The following TCF20 variants were observed in gnomAD, a reference collection of about 807,000 sequenced individuals.
TCF20 encodes the protein transcription factor 20.
In TCF20, 3 loss-of-function variants were observed where a neutral mutation model predicts 148.6. The observed-to-expected ratio is 0.02, with a 90% CI of 0.01 to 0.05. The LOEUF is 0.05. TCF20 is among the 10% of genes least tolerant of loss of function. TCF20 has a pLI of 1.00. For synonymous variants in TCF20, 1,049 were observed against 909.5 expected (o/e 1.15, Z -2.76); for missense variants, 2,350 against 2,429.3 (o/e 0.97, Z 0.69).
chr22:42,251,802 C>T (rs530838621), intron 1 of TCF20, among the ~76,000 whole-genome samples: 1 of 151,420 alleles, frequency 6.6e-6, no homozygotes, highest in African/African-American at 2.4e-5. Context: ...CGCACCTGGC[C>T]CAAATAAGTA....
At chr22:42,164,328 C>A (rs1935649932) in intron 5 of TCF20, among the ~76,000 whole-genome samples, 1 of 151,542 alleles carries the variant, frequency 6.6e-6, no homozygotes, top group African/African-American at 2.4e-5. Flanking sequence ...CATTCTCCTG[C>A]CTCAGTCTCC....
At chr22:42,270,735 C>A (rs1926575945), upstream of TCF20, among the ~76,000 whole-genome samples, 1 of 120,998 alleles carries the variant, frequency 8.3e-6, no homozygotes, top group African/African-American at 3.0e-5. Flanking sequence ...CGCGGCGGGG[C>A]GGGGCGCGCG....
At chr22:42,309,876 G>A (rs1018148496) in intron 1 of TCF20, among the ~76,000 whole-genome samples, 1 of 152,190 alleles carries the variant, frequency 6.6e-6, no homozygotes, top group Non-Finnish European at 1.5e-5. Flanking sequence ...AACTGCCTGG[G>A]AAGCTGCTTC....
intron 1 of TCF20, among the ~76,000 whole-genome samples, chr22:42,248,407 C>T (rs1034373824): frequency 6.6e-6 from 1 of 152,164 alleles, no homozygotes; most frequent in African/African-American, 2.4e-5. Context: ...CCCCGTTTTA[C>T]AGATAAAATA....
chr22:42,228,903 A>G (rs1188434788), intron 1 of TCF20, among the ~76,000 whole-genome samples: 1 of 152,234 alleles, frequency 6.6e-6, no homozygotes, highest in African/African-American at 2.4e-5. Context: ...AAAATAACAG[A>G]GTCCACGGCT....
intron 2 of TCF20, among the ~76,000 whole-genome samples, chr22:42,197,065 G>C (rs538626073): frequency 1.3e-5 from 2 of 152,300 alleles, no homozygotes; most frequent in South Asian, 4.1e-4. Flanking sequence ...GCATCAGATA[G>C]GGCTGAATTT....
chr22:42,307,238 C>T (rs1313390488), intron 1 of TCF20, among the ~76,000 whole-genome samples: 1 of 152,104 alleles, frequency 6.6e-6, no homozygotes, highest in Non-Finnish European at 1.5e-5. Flanking sequence ...GTGGTCAGGT[C>T]AGGGCCATTC....
At chr22:42,305,767 C>T (rs1927419835) in intron 1 of TCF20, among the ~76,000 whole-genome samples, 1 of 152,210 alleles carries the variant, frequency 6.6e-6, no homozygotes, top group Non-Finnish European at 1.5e-5. Context: ...CCTGCCTCCC[C>T]CGTGGCTGGG....
intron 3 of TCF20, among the ~76,000 whole-genome samples, chr22:42,170,560 G>A (rs1374187071): frequency 7.2e-6 from 1 of 138,730 alleles, no homozygotes; most frequent in Admixed American, 7.5e-5. Flanking sequence ...CCAGAGAGTC[G>A]GAGGTTGCAG....
intron 1 of TCF20, among the ~76,000 whole-genome samples, chr22:42,243,676 G>T (rs114686233): frequency 0.022 from 3,343 of 152,296 alleles, 136 homozygotes; most frequent in African/African-American, 0.075. Flanking sequence ...TATATCAAGT[G>T]TAGCAAATGC....
chr22:42,325,579 G>A (rs774382470), intron 1 of TCF20, among the ~76,000 whole-genome samples: 3 of 152,242 alleles, frequency 2.0e-5, no homozygotes, highest in East Asian at 1.9e-4. Context: ...TTCTGGCCAC[G>A]TCTGTGTAGT....
intron 1 of TCF20, among the ~76,000 whole-genome samples, chr22:42,236,644 G>C (rs1243965813): frequency 6.6e-6 from 1 of 152,046 alleles, no homozygotes; most frequent in Admixed American, 6.6e-5. Context: ...ATAAGCCAAT[G>C]GAGAGTCACC....
chr22:42,209,907 C>T lies in TCF20; in HGVS notation c.5399G>A (p.Arg1800Gln), dbSNP rs1008199826. ...HRSEDCGGGP[R>Q]SLSRGLPCKK... ...ACAAGGGAGCCCCCTGGACAGGGAC[C>T]GAGGGCCTCCACCACAGTCTTCCGA... Residue 1800 changes from arginine to glutamine, a missense_variant, in exon 2 of 6, where the codon CGG (arginine) becomes CAG (glutamine). Arg to Gln is a conservative substitution (Grantham distance 43, BLOSUM62 1). Coordinates refer to ENST00000677622, the MANE Select transcript of TCF20 (RefSeq NM_001378418.1). 5.6e-6 allele frequency: 9 copies of T among 1,614,002 alleles called. No homozygotes were observed. The highest frequency in any genetic ancestry group is 1.7e-5 in the Admixed American group (1 of 59,994).
At chr22:42,325,900 G>C (rs1927867043) in intron 1 of TCF20, among the ~76,000 whole-genome samples, 1 of 152,208 alleles carries the variant, frequency 6.6e-6, no homozygotes, top group Non-Finnish European at 1.5e-5. Flanking sequence ...GCAGGGTTCA[G>C]AGGCACAGGT....
At chr22:42,307,143 G>A (rs1387355723) in intron 1 of TCF20, among the ~76,000 whole-genome samples, 1 of 152,124 alleles carries the variant, frequency 6.6e-6, no homozygotes. Context: ...ACAGCATGGG[G>A]TTGCCCCTGA....
rs963263184 is a variant in TCF20, at chr22:42,270,459, C to G, written c.-157G>C. 7.1e-6 allele frequency among the ~76,000 whole-genome samples: 1 copy of G among 140,630 alleles called. No individual in the cohort carries two copies. Among genetic ancestry groups the G allele is most frequent in the Non-Finnish European group, 1.6e-5 (1 of 64,118 alleles). The allele number at this position is 140,630 out of a possible 152,430, so 92.3% of individuals were successfully genotyped here. On this transcript the variant is annotated 5_prime_UTR_variant, in exon 1 of 6. Coordinates refer to ENST00000677622, the MANE Select transcript of TCF20 (RefSeq NM_001378418.1). The stretch of plus-strand genomic sequence containing the variant: ...GGGGGTGGCTCCGCCGCCTCCAGCT[C>G]GGGCGCCCGGGCCGGCGGCGGGGCG...
chr22:42,238,700 G>A (rs1924100802), intron 1 of TCF20, among the ~76,000 whole-genome samples: 2 of 152,226 alleles, frequency 1.3e-5, no homozygotes, highest in Admixed American at 1.3e-4. Flanking sequence ...AGAGACCTGA[G>A]GAGGTGGTGA....
intron 3 of TCF20, among the ~76,000 whole-genome samples, chr22:42,174,926 T>C (rs138364978): frequency 0.025 from 3,847 of 151,102 alleles, 161 homozygotes; most frequent in African/African-American, 0.088. Context: ...TCCCAGCTGC[T>C]GGGGCGGCTG....
At chr22:42,341,165 G>T (rs1034292903) in intron 1 of TCF20, among the ~76,000 whole-genome samples, 3 of 152,090 alleles carry the variant, frequency 2.0e-5, no homozygotes, top group African/African-American at 7.2e-5. Context: ...TTCTGGGGGG[G>T]ATGCAAACCC....
Sources: allele counts gnomAD v4.1 joint callset (sites outside exome capture counted in the v4.1 genomes callset), GRCh38; gene constraint gnomAD v4.1.1; transcripts MANE v1.5; gene names NCBI Gene and HGNC (gene_info 2026-07-23, HGNC 2026-07-21).